Variants in GSK3B observed in about 807,000 individuals in gnomAD.
GSK3B encodes glycogen synthase kinase-3 beta.
In GSK3B, 15 loss-of-function variants were observed where a neutral mutation model predicts 56.4. The observed-to-expected ratio is 0.27, with a 90% CI of 0.18 to 0.41. The LOEUF (loss-of-function observed/expected upper bound fraction) is 0.41, where lower values mean the gene tolerates loss of function less well. Ranked by LOEUF, GSK3B falls within the 10% of genes least tolerant of loss-of-function variation. GSK3B has a pLI of 1.00. For missense variants in GSK3B, 300 were observed against 513.4 expected, an observed-to-expected ratio of 0.58 and a Z score of 4.02; for synonymous variants, 181 against 188.9, an observed-to-expected ratio of 0.96 and a Z score of 0.34.
intron 1 of GSK3B, among the ~76,000 whole-genome samples, chr3:120,009,929 ATATT>A (rs2057763899): frequency 6.6e-6 from 1 of 152,200 alleles, no homozygotes; most frequent in Non-Finnish European, 1.5e-5. Context: ...CAGGCAGTCT[ATATT>A]TATCATGGCC....
chr3:120,081,430 C>T lies in GSK3B; in HGVS notation c.88+11917G>A, dbSNP rs185886417. Among the ~76,000 whole-genome samples the T allele has an allele frequency of 2.7e-3, 418 of 152,166 alleles. 1 individual carries two copies. The highest frequency in any genetic ancestry group is 4.5e-3 in the Non-Finnish European group (305 of 67,988). On this transcript the variant is annotated intron_variant, in intron 1 of 10. Coordinates refer to ENST00000264235, the MANE Select transcript of GSK3B (RefSeq NM_001146156.2). ...GGCGTGGTGGTGCATGCCTGTAGTC[C>T]CAGCTACTGGGGAGGCTGAGGCAGG...
intron 7 of GSK3B, among the ~76,000 whole-genome samples, chr3:119,892,513 C>G (rs1331458220): frequency 6.6e-6 from 1 of 152,164 alleles, no homozygotes; most frequent in East Asian, 1.9e-4. Flanking sequence ...CCTTTGTATT[C>G]TGCTCAGACA....
intron 2 of GSK3B, among the ~76,000 whole-genome samples, chr3:119,999,387 T>C (rs2057654035): frequency 6.6e-6 from 1 of 152,208 alleles, no homozygotes. Flanking sequence ...TTGCCAACTG[T>C]GTGACCCTGA....
At chr3:120,023,564 A>C (rs1016510389) in intron 1 of GSK3B, among the ~76,000 whole-genome samples, 1 of 152,108 alleles carries the variant, frequency 6.6e-6, no homozygotes, top group Non-Finnish European at 1.5e-5. Context: ...AAGCCATCTG[A>C]CCTATTACTC....
intron 9 of GSK3B, among the ~76,000 whole-genome samples, chr3:119,844,371 A>AG (rs1192583467): frequency 6.6e-5 from 10 of 151,590 alleles, no homozygotes; most frequent in Non-Finnish European, 1.2e-4. Context: ...ACTCTTAAAA[A>AG]AAAAAAATCA....
At chr3:120,010,944 T>C (rs989645143) in intron 1 of GSK3B, among the ~76,000 whole-genome samples, 2 of 152,090 alleles carry the variant, frequency 1.3e-5, no homozygotes, top group Non-Finnish European at 2.9e-5. Flanking sequence ...GATGCACACA[T>C]GTAATCCCAG....
At chr3:119,982,372 T>C (rs893430065) in intron 2 of GSK3B, among the ~76,000 whole-genome samples, 4 of 152,074 alleles carry the variant, frequency 2.6e-5, no homozygotes, top group African/African-American at 4.8e-5. Flanking sequence ...CTTTGACGAG[T>C]TGACAGAAGT....
intron 1 of GSK3B, among the ~76,000 whole-genome samples, chr3:120,007,747 T>C (rs2057742109): frequency 6.6e-6 from 1 of 152,100 alleles, no homozygotes; most frequent in Non-Finnish European, 1.5e-5. Context: ...TCAATAAACT[T>C]GGTATCGATG....
chr3:119,908,698 T>C (rs1010616993), intron 6 of GSK3B, among the ~76,000 whole-genome samples: 1 of 152,240 alleles, frequency 6.6e-6, no homozygotes, highest in Non-Finnish European at 1.5e-5. Flanking sequence ...GTAAAGCAGA[T>C]GTCAAAGTGT....
intron 1 of GSK3B, among the ~76,000 whole-genome samples, chr3:120,093,092 A>G (rs1007780057): frequency 3.3e-5 from 5 of 152,228 alleles, no homozygotes; most frequent in Non-Finnish European, 7.3e-5. Flanking sequence ...AACAGCAAGA[A>G]AAGTACAAGA....
chr3:120,089,104 A>C (rs1453470155), intron 1 of GSK3B, among the ~76,000 whole-genome samples: 1 of 152,194 alleles, frequency 6.6e-6, no homozygotes, highest in Non-Finnish European at 1.5e-5. Context: ...TAAAGCGTGC[A>C]AGTACTGATT....
chr3:119,898,684 G>A (rs1182603370), intron 7 of GSK3B, among the ~76,000 whole-genome samples: 3 of 151,968 alleles, frequency 2.0e-5, no homozygotes, highest in Admixed American at 2.0e-4. Context: ...CTGTATATAC[G>A]GTAATACAGT....
chr3:120,076,167 T>C (rs1031328457), intron 1 of GSK3B, among the ~76,000 whole-genome samples: 1 of 152,066 alleles, frequency 6.6e-6, no homozygotes, highest in African/African-American at 2.4e-5. Context: ...TGCAAAATAA[T>C]GAAACTGAAT....
At chr3:120,070,459 A>G (rs542948731) in intron 1 of GSK3B, among the ~76,000 whole-genome samples, 1 of 152,186 alleles carries the variant, frequency 6.6e-6, no homozygotes, top group South Asian at 2.1e-4. Flanking sequence ...ACTTCCAAAT[A>G]AGGACAATGA....
intron 3 of GSK3B, among the ~76,000 whole-genome samples, chr3:119,924,290 T>C (rs535831566): frequency 7.2e-5 from 11 of 152,260 alleles, no homozygotes; most frequent in East Asian, 5.8e-4. Flanking sequence ...ATCAGGTAAA[T>C]TGAAGCAGAA....
chr3:119,942,924 C>T (rs2057064118), intron 3 of GSK3B, among the ~76,000 whole-genome samples: 1 of 152,176 alleles, frequency 6.6e-6, no homozygotes, highest in African/African-American at 2.4e-5. Context: ...TTAGTTACTA[C>T]TGGGTAACAT....
chr3:119,828,490 C>T (rs999312123), intron 10 of GSK3B, among the ~76,000 whole-genome samples: 19 of 152,196 alleles, frequency 1.2e-4, no homozygotes, highest in African/African-American at 4.3e-4. Flanking sequence ...ACAATGCCAT[C>T]AAGGTTGGTG....
chr3:120,025,326 T>A (rs1412576944), intron 1 of GSK3B, among the ~76,000 whole-genome samples: 1 of 152,158 alleles, frequency 6.6e-6, no homozygotes, highest in Non-Finnish European at 1.5e-5. Context: ...GGCTGTTTTT[T>A]AGCCTACAAC....
At chr3:119,973,983 T>A (rs1324826509) in intron 2 of GSK3B, among the ~76,000 whole-genome samples, 1 of 152,138 alleles carries the variant, frequency 6.6e-6, no homozygotes, top group East Asian at 1.9e-4. Flanking sequence ...TAGACTTAAC[T>A]GTAAAATGAA....
Sources: gnomAD v4.1 joint callset for allele counts (sites outside exome capture counted in the v4.1 genomes callset) on GRCh38, gnomAD v4.1.1 for gene constraint, MANE v1.5 for transcripts, NCBI Gene and HGNC (gene_info 2026-07-23, HGNC 2026-07-21) for gene names.